Variants in VPS41 observed in about 807,000 individuals in gnomAD.
The protein encoded by VPS41 is VPS41 subunit of HOPS complex.
A neutral mutation model predicts 130.9 loss-of-function variants in VPS41; 85 were observed. The ratio of observed to expected loss-of-function variants is 0.65; its 90% confidence interval spans 0.55 to 0.78. The LOEUF (loss-of-function observed/expected upper bound fraction) is 0.78, where lower values mean the gene tolerates loss of function less well. VPS41 is among the 30% of genes least tolerant of loss of function. The pLI is 0.00. For missense variants in VPS41, 874 were observed against 1,018.7 expected (o/e 0.86, Z 1.93); for synonymous variants, 335 against 332.9 (o/e 1.01, Z -0.07).
At chr7:38,730,051 C>T (rs758532259) in intron 25 of VPS41, among the ~76,000 whole-genome samples, 6 of 152,222 alleles carry the variant, frequency 3.9e-5, no homozygotes, top group South Asian at 4.1e-4. Context: ...TCTTATCATA[C>T]GCAGTTATGT....
chr7:38,816,943 C>T (rs1785062501), intron 7 of VPS41, among the ~76,000 whole-genome samples: 5 of 152,146 alleles, frequency 3.3e-5, no homozygotes, highest in Admixed American at 2.0e-4. Flanking sequence ...CGGTCTCACT[C>T]GTTGCCCAGG....
chr7:38,809,284 AC>A (rs1459003892), intron 7 of VPS41, among the ~76,000 whole-genome samples: 1 of 150,566 alleles, frequency 6.6e-6, no homozygotes, highest in Admixed American at 6.6e-5. Context: ...GGAGTTTGAG[AC>A]CAGCCTGGCC....
At chr7:38,830,158 A>G in intron 5 of VPS41, 96 bp downstream of exon 5, 1 of 769,598 alleles carries the variant, frequency 1.3e-6, no homozygotes, top group Non-Finnish European at 2.3e-6. Context: ...AATAATCAAG[A>G]TTGTCTTAAT....
chr7:38,822,718 T>C (rs1197268302), intron 5 of VPS41, among the ~76,000 whole-genome samples: 1 of 152,230 alleles, frequency 6.6e-6, no homozygotes, highest in Non-Finnish European at 1.5e-5. Flanking sequence ...AGTCATAGGT[T>C]ATGTGCATGT....
At chr7:38,740,065 A>C (rs1410071104) in intron 25 of VPS41, among the ~76,000 whole-genome samples, 3 of 152,202 alleles carry the variant, frequency 2.0e-5, no homozygotes, top group African/African-American at 7.2e-5. Context: ...ATAGGGATGC[A>C]CTATGTGGTC....
In VPS41 at chr7:38,754,696, G is replaced by A. The variant is rs776601365; in HGVS notation, c.1788+6C>T. ...AAGGGCAAAAGGAGGAGACTGCCAT[G>A]CTCACCACATGCTGTAGCTCTGGTC... On this transcript the variant is annotated splice_donor_region_variant and intron_variant, in intron 21 of 28. Coordinates refer to ENST00000310301, the MANE Select transcript of VPS41 (RefSeq NM_014396.4). 3 of 1,612,454 alleles carry A rather than the reference G, an allele frequency of 1.9e-6. No individual in the cohort carries two copies. In the South Asian group the frequency reaches 3.3e-5, roughly 18 times the overall value.
intron 13 of VPS41, 122 bp downstream of exon 13, chr7:38,772,400 C>CAT: frequency 1.6e-6 from 1 of 622,400 alleles, no homozygotes; most frequent in Admixed American, 3.3e-5. Context: ...TAACTTCCTA[C>CAT]ATATTTTTGG....
intron 5 of VPS41, among the ~76,000 whole-genome samples, chr7:38,827,566 T>A (rs908877287): frequency 1.3e-5 from 2 of 152,136 alleles, no homozygotes; most frequent in African/African-American, 2.4e-5. Context: ...GCTTACCATA[T>A]CCCCTGCACC....
chr7:38,773,450 A>G (rs562296243), intron 12 of VPS41, among the ~76,000 whole-genome samples: 2 of 152,344 alleles, frequency 1.3e-5, no homozygotes, highest in East Asian at 1.9e-4. Context: ...TTTGGCCACA[A>G]TGAGAACTGA....
chr7:38,794,564 G>A (rs1784587000), intron 9 of VPS41, among the ~76,000 whole-genome samples: 1 of 152,064 alleles, frequency 6.6e-6, no homozygotes, highest in South Asian at 2.1e-4. Context: ...CTCTTTACAT[G>A]CATTGGCTCA....
At chr7:38,823,549 A>C (rs1785215756) in intron 5 of VPS41, among the ~76,000 whole-genome samples, 1 of 152,172 alleles carries the variant, frequency 6.6e-6, no homozygotes, top group South Asian at 2.1e-4. Context: ...TAAACTTTCA[A>C]TTTCTTCTTA....
At chr7:38,790,083 A>G (rs1386455715) in intron 9 of VPS41, among the ~76,000 whole-genome samples, 10 of 152,228 alleles carry the variant, frequency 6.6e-5, no homozygotes, top group Non-Finnish European at 8.8e-5. Context: ...CCTGATTCAC[A>G]TAAGTTCAGC....
chr7:38,764,574 A>G (rs948206253), intron 16 of VPS41, among the ~76,000 whole-genome samples: 2 of 152,166 alleles, frequency 1.3e-5, no homozygotes, highest in African/African-American at 4.8e-5. Flanking sequence ...GCAAAAGTTA[A>G]GGCAATGGTA....
At chr7:38,822,720 T>C (rs557783997) in intron 5 of VPS41, among the ~76,000 whole-genome samples, 2 of 152,350 alleles carry the variant, frequency 1.3e-5, no homozygotes, top group East Asian at 1.9e-4. Flanking sequence ...TCATAGGTTA[T>C]GTGCATGTTC....
At chr7:38,780,156 G>C (rs1388545563) in intron 10 of VPS41, among the ~76,000 whole-genome samples, 1 of 148,936 alleles carries the variant, frequency 6.7e-6, no homozygotes, top group East Asian at 2.0e-4. Context: ...GGGAGCAAAA[G>C]CTGGACAGGG....
Position 38,752,277 on chromosome 7 carries a change from C to T in VPS41, c.1825G>A (p.Gly609Arg). ...ATCTGTTTTTCATGGTAACGCTGCC[C>T]CTTATGGTGGTCTCTCTTGAAAAGC... ...HKLFKRDHHK[G>R]QRYHEKQISL... is the part of the protein sequence containing the mutation. Residue 609 changes from glycine to arginine, a missense_variant, in exon 22 of 29, where the codon GGG becomes AGG. Physicochemically the swap from Gly to Arg is moderately radical, Grantham distance 125. Coordinates refer to ENST00000310301, the MANE Select transcript of VPS41 (RefSeq NM_014396.4). 2 of 1,613,836 alleles carry T rather than the reference C, an allele frequency of 1.2e-6. No individual in the cohort carries two copies. Among genetic ancestry groups the T allele is most frequent in the Non-Finnish European group, 1.7e-6 (2 of 1,179,848 alleles).
At chr7:38,853,723 G>A (rs1307847641) in intron 4 of VPS41, among the ~76,000 whole-genome samples, 2 of 152,142 alleles carry the variant, frequency 1.3e-5, no homozygotes, top group African/African-American at 4.8e-5. Flanking sequence ...ACCCAATTCA[G>A]AGTCATGTTC....
At chr7:38,799,884 G>T (rs550396126) in intron 7 of VPS41, among the ~76,000 whole-genome samples, 8 of 152,124 alleles carry the variant, frequency 5.3e-5, no homozygotes, top group Admixed American at 4.6e-4. Flanking sequence ...TGATAAAGAC[G>T]AATCAAAATG....
chr7:38,753,377 G>C (rs57617719), intron 21 of VPS41, among the ~76,000 whole-genome samples: 5,629 of 152,086 alleles, frequency 0.037, 345 homozygotes, highest in African/African-American at 0.13. Context: ...TTCTTCCTAA[G>C]GCAAAACGGA....
Sources: allele counts gnomAD v4.1 joint callset (sites outside exome capture counted in the v4.1 genomes callset), GRCh38; gene constraint gnomAD v4.1.1; transcripts MANE v1.5; gene names NCBI Gene and HGNC (gene_info 2026-07-23, HGNC 2026-07-21).